ABCA4: variants seen among roughly 807,000 people sequenced by gnomAD.
ABCA4 encodes the protein retinal-specific phospholipid-transporting ATPase ABCA4.
ABCA4 carries 196 observed loss-of-function variants against 263.7 expected under a neutral mutation model. The ratio of observed to expected loss-of-function variants is 0.74; its 90% CI spans 0.66 to 0.84. ABCA4 has a LOEUF of 0.84. ABCA4 is among the 40% of genes least tolerant of loss of function. The pLI is 0.00. For missense variants in ABCA4, 2,792 were observed against 2,855.1 expected (o/e 0.98, Z 0.50); for synonymous variants, 1,133 against 1,094.2 (o/e 1.04, Z -0.70).
At chr1:94,116,209 A>G (rs1404426036) in intron 1 of ABCA4, among the ~76,000 whole-genome samples, 2 of 152,080 alleles carry the variant, frequency 1.3e-5, no homozygotes, top group African/African-American at 4.8e-5. Flanking sequence ...GTCTGGCCCT[A>G]GGACTGTTCC....
chr1:94,118,999 G>A (rs1298279339), intron 1 of ABCA4, among the ~76,000 whole-genome samples: 1 of 152,174 alleles, frequency 6.6e-6, no homozygotes, highest in African/African-American at 2.4e-5. Flanking sequence ...AATTTCTTAT[G>A]GGAAAGAGAG....
At chr1:94,080,450 A>C (rs777833296) in intron 8 of ABCA4, 28 bp downstream of exon 8, 1 of 1,614,008 alleles carries the variant, frequency 6.2e-7, no homozygotes, top group Non-Finnish European at 8.5e-7. Context: ...TGAGAGGCCA[A>C]TTTATAAGCA....
At chr1:94,101,783 C>T (rs968150585) in intron 5 of ABCA4, among the ~76,000 whole-genome samples, 5 of 152,206 alleles carry the variant, frequency 3.3e-5, no homozygotes, top group African/African-American at 9.7e-5. Context: ...AGAAGCTGGG[C>T]GGGGAGCCCA....
chr1:94,040,702 A>C (rs887343305), intron 23 of ABCA4, among the ~76,000 whole-genome samples: 3 of 152,230 alleles, frequency 2.0e-5, no homozygotes, highest in African/African-American at 7.2e-5. Flanking sequence ...AGGATGACAC[A>C]GTTTGTTCAC....
chr1:93,999,030 C>T (rs370898578), intron 47 of ABCA4, among the ~76,000 whole-genome samples: 5 of 149,936 alleles, frequency 3.3e-5, no homozygotes, highest in African/African-American at 1.2e-4. Flanking sequence ...GGATTACAGG[C>T]ATGAGCCACC....
At chr1:94,050,550 T>C (rs534725809) in intron 17 of ABCA4, among the ~76,000 whole-genome samples, 1 of 152,358 alleles carries the variant, frequency 6.6e-6, no homozygotes, top group Non-Finnish European at 1.5e-5. Context: ...TGAAGGAGCA[T>C]ATTTTCCTTA....
At chr1:94,033,438 G>GA (rs1192169000) in intron 26 of ABCA4, among the ~76,000 whole-genome samples, 2,611 of 119,846 alleles carry the variant, frequency 0.022, 84 homozygotes, top group African/African-American at 0.072. Context: ...AAAAAAAAAA[G>GA]AAAAAAAAAA....
At position 94,008,332 on chromosome 1, in the gene ABCA4, G is replaced by C. The variant is rs905750983; in HGVS notation, c.5836-35C>G. 1.9e-6 allele frequency: 3 copies of C among 1,602,930 alleles called. No individual in the cohort carries two copies. In the African/African-American group the frequency reaches 4.0e-5, roughly 21 times the overall value. The stretch of plus-strand genomic sequence containing the variant: ...ACGAAGAAACCGGACTGAGAACTGA[G>C]ACAGGGTGAGAGCAAGGAGGGGAAG... On this transcript the variant is annotated intron_variant, in intron 41 of 49. Transcript: ENST00000370225.
intron 37 of ABCA4, 122 bp downstream of exon 37, chr1:94,015,617 G>A (rs1659711739): frequency 1.3e-6 from 1 of 797,848 alleles, no homozygotes; most frequent in Non-Finnish European, 2.2e-6. Flanking sequence ...CCTGGGGCCG[G>A]AAGCTAAACT....
intron 16 of ABCA4, among the ~76,000 whole-genome samples, chr1:94,052,148 G>A (rs1660856316): frequency 1.3e-5 from 2 of 152,066 alleles, no homozygotes; most frequent in Admixed American, 6.5e-5. Flanking sequence ...TGTGAGAAAG[G>A]AAACAGAGGC....
At position 94,027,303 on chromosome 1, in the gene ABCA4, G is replaced by A. The variant is rs1331114141; in HGVS notation, c.4539+2142C>T. Among the ~76,000 whole-genome samples, 5 of 152,228 alleles carry A rather than the reference G, an allele frequency of 3.3e-5. No homozygotes were observed. The East Asian group carries it at 9.6e-4, about 29-fold the overall frequency. On this transcript the variant is annotated intron_variant, in intron 30 of 49. Coordinates refer to ENST00000370225, the MANE Select transcript of ABCA4 (RefSeq NM_000350.3). ...TCTAAGCTGGACAGACCGCGTGGAA[G>A]TAAGGGTTCGTTTAGGAAATGAAAC...
At chr1:94,008,646 A>C (rs1433237888) in intron 41 of ABCA4, 105 bp downstream of exon 41, 5 of 1,525,480 alleles carry the variant, frequency 3.3e-6, no homozygotes, top group Non-Finnish European at 3.6e-6. Context: ...ACTGGGAACC[A>C]AATTGCTTGC....
intron 36 of ABCA4, among the ~76,000 whole-genome samples, chr1:94,017,624 A>T (rs2101017920): frequency 6.6e-6 from 1 of 152,268 alleles, no homozygotes; most frequent in Middle Eastern, 3.4e-3. Context: ...GGTGGTGATG[A>T]CACATCAGTG....
chr1:94,096,833 A>T (rs1163124140), intron 6 of ABCA4, among the ~76,000 whole-genome samples: 1 of 152,198 alleles, frequency 6.6e-6, no homozygotes, highest in Non-Finnish European at 1.5e-5. Flanking sequence ...TGCTCCCTTC[A>T]TGGTGACGAG....
intron 11 of ABCA4, among the ~76,000 whole-genome samples, chr1:94,068,568 T>A (rs756352354): frequency 6.6e-6 from 1 of 152,240 alleles, no homozygotes; most frequent in South Asian, 2.1e-4. Flanking sequence ...GAATAAACTC[T>A]CAGCAGAGGT....
At chr1:94,063,411 C>T in intron 11 of ABCA4, 94 bp from the exon 12 acceptor site, 1 of 1,244,796 alleles carries the variant, frequency 8.0e-7, no homozygotes, top group Non-Finnish European at 1.2e-6. Flanking sequence ...GGGCTGCTGT[C>T]CCAGGAAATG....
chr1:94,008,349 G>A, intron 41 of ABCA4, 52 bp from the exon 42 acceptor site: 1 of 1,558,628 alleles, frequency 6.4e-7, no homozygotes, highest in Non-Finnish European at 8.9e-7. Context: ...TGAGAGCAAG[G>A]AGGGGAAGAG....
intron 27 of ABCA4, 46 bp from the exon 28 acceptor site, chr1:94,031,166 T>C (rs1247624938): frequency 6.2e-6 from 10 of 1,612,028 alleles, no homozygotes; most frequent in Non-Finnish European, 8.5e-6. Context: ...GGCATGGAGA[T>C]GTCACACGTG....
chr1:94,030,014 G>A (rs1448558338), intron 29 of ABCA4, among the ~76,000 whole-genome samples: 2 of 152,204 alleles, frequency 1.3e-5, no homozygotes, highest in African/African-American at 4.8e-5. Flanking sequence ...CCTGGTGGAT[G>A]TCAATGGCCT....
Sources: gnomAD v4.1 joint callset for allele counts (sites outside exome capture counted in the v4.1 genomes callset) on GRCh38, gnomAD v4.1.1 for gene constraint, MANE v1.5 for transcripts, NCBI Gene and HGNC (gene_info 2026-07-23, HGNC 2026-07-21) for gene names.